Variants in UNC80 observed in about 807,000 individuals in gnomAD.
UNC80 encodes unc-80 subunit of NALCN channel complex.
In UNC80, 164 loss-of-function variants were observed where a neutral mutation model predicts 384.6. That is an observed-to-expected ratio of 0.43 (90% CI 0.38 to 0.49). The LOEUF (loss-of-function observed/expected upper bound fraction) is 0.49, where lower values mean the gene tolerates loss of function less well. Ranked by LOEUF, UNC80 falls within the 20% of genes least tolerant of loss-of-function variation. UNC80 has a pLI of 0.00. For missense variants in UNC80, 3,330 were observed against 4,143.0 expected, an observed-to-expected ratio of 0.80 and a Z score of 5.39; for synonymous variants, 1,486 against 1,527.8, an observed-to-expected ratio of 0.97 and a Z score of 0.64.
intron 28 of UNC80, 69 bp from the exon 29 acceptor site, chr2:209,904,696 C>T (rs1300040918): frequency 4.4e-6 from 6 of 1,350,600 alleles, no homozygotes; most frequent in South Asian, 1.3e-5. Context: ...CATCTTCCAC[C>T]CCATAGATAT....
At chr2:209,824,650 A>G (rs1163147703) in intron 13 of UNC80, among the ~76,000 whole-genome samples, 2 of 152,084 alleles carry the variant, frequency 1.3e-5, no homozygotes. Context: ...AGCTCAGAGA[A>G]TGAATGCTGC....
intron 7 of UNC80, among the ~76,000 whole-genome samples, chr2:209,808,478 A>G (rs1425564286): frequency 2.0e-5 from 3 of 149,474 alleles, no homozygotes; most frequent in African/African-American, 7.4e-5. Flanking sequence ...CAGGAGAATC[A>G]CTTGAACCCG....
chr2:209,903,622 T>C (rs1322072990), intron 28 of UNC80, among the ~76,000 whole-genome samples: 12 of 112,636 alleles, frequency 1.1e-4, no homozygotes, highest in African/African-American at 4.1e-4. Context: ...ATATGTAATA[T>C]ATATATACTA....
At chr2:209,838,681 G>A (rs1310358108) in intron 18 of UNC80, among the ~76,000 whole-genome samples, 2 of 152,142 alleles carry the variant, frequency 1.3e-5, no homozygotes, top group African/African-American at 2.4e-5. Flanking sequence ...TTAAATATTG[G>A]CTGGGCACGG....
In UNC80 at chr2:209,813,873, C is replaced by G. The variant is rs564428291; in HGVS notation, c.1200+32C>G. On this transcript the variant is annotated intron_variant, in intron 8 of 64. Transcript: ENST00000673920. ...AAAACCCGGTTCATTGTCATTCAAA[C>G]CAGCAACTTTGCCATAATGGATTCT... 52 of 1,542,324 alleles carry G rather than the reference C, an allele frequency of 3.4e-5. No individual in the cohort carries two copies. The Middle Eastern group carries it at 5.1e-4, about 15-fold the overall frequency.
rs1444302373 is a variant in UNC80, at chr2:209,872,452, A to G, written c.3628-306A>G. Among the ~76,000 whole-genome samples the G allele has an allele frequency of 6.6e-6, 1 of 152,166 alleles. No individual in the cohort carries two copies. Among genetic ancestry groups the G allele is most frequent in the Non-Finnish European group, 1.5e-5 (1 of 68,028 alleles). ...TTCACTCTACACTCAAATCGCTGTC[A>G]CCCTTAAATATACAAAGTTGGAGAC... On this transcript the variant is annotated intron_variant, in intron 22 of 64. Coordinates refer to ENST00000673920, the MANE Select transcript of UNC80 (RefSeq NM_001371986.1). This position sits in a 1 kb window ranked among gnomAD's most constrained non-coding sequence, Gnocchi z 4.1.
At chr2:209,786,311 T>TTGC in intron 5 of UNC80, 122 bp downstream of exon 5, 2 of 1,283,734 alleles carry the variant, frequency 1.6e-6, no homozygotes, top group Non-Finnish European at 2.1e-6. Flanking sequence ...ATGTAGTTAT[T>TTGC]TAAGTGTCCT....
At chr2:209,774,719 TATA>T (rs767968450) in intron 2 of UNC80, among the ~76,000 whole-genome samples, 4 of 152,194 alleles carry the variant, frequency 2.6e-5, no homozygotes, top group Admixed American at 2.0e-4. Flanking sequence ...CTGATGATTT[TATA>T]ATATTTGTAT....
At position 209,999,253 on chromosome 2, in the gene UNC80, G is replaced by A. The variant is rs2093525511; in HGVS notation, c.*3658G>A. On this transcript the variant is annotated 3_prime_UTR_variant, in exon 65 of 65. Coordinates refer to ENST00000673920, the MANE Select transcript of UNC80 (RefSeq NM_001371986.1). ...TTATGAAAGATATTAAGACTTCTGT[G>A]TTTAGGTATGCACATATGATAAAAT... 1 of 152,226 alleles carries A rather than the reference G, an allele frequency of 6.6e-6. No individual in the cohort carries two copies. Among genetic ancestry groups the A allele is most frequent in the Non-Finnish European group, 1.5e-5 (1 of 68,042 alleles). 9.4% of individuals were successfully genotyped at this position (152,226 alleles called of 1,614,324 possible).
In UNC80 at chr2:209,868,427, A is replaced by G. The variant is rs572218327; in HGVS notation, c.3628-4331A>G. Among the ~76,000 whole-genome samples, 7 of 152,340 alleles carry G rather than the reference A, an allele frequency of 4.6e-5. No homozygotes were observed. The South Asian group carries it at 1.0e-3, about 23-fold the overall frequency. ...TTCTTCGCACATTGTAAGCTTAGAT[A>G]TAGTCCTCCAGGGAAAGGAAGGCAT... On this transcript the variant is annotated intron_variant, in intron 22 of 64. Transcript: ENST00000673920.
intron 31 of UNC80, among the ~76,000 whole-genome samples, chr2:209,916,091 G>A (rs2089506913): frequency 6.6e-6 from 1 of 152,110 alleles, no homozygotes; most frequent in Non-Finnish European, 1.5e-5. Flanking sequence ...ATATATGATT[G>A]GTGACATGAC....
At chr2:209,786,554 T>C (rs934703587) in intron 5 of UNC80, among the ~76,000 whole-genome samples, 2 of 152,206 alleles carry the variant, frequency 1.3e-5, no homozygotes, top group African/African-American at 4.8e-5. Flanking sequence ...ATTATTATTA[T>C]GTTATCATCA....
At chr2:209,831,348 C>T in intron 15 of UNC80, 95 bp from the exon 16 acceptor site, 2 of 1,306,530 alleles carry the variant, frequency 1.5e-6, no homozygotes, top group Non-Finnish European at 2.1e-6. Flanking sequence ...TCACATAGCA[C>T]TTCACTAATT....
In UNC80 at chr2:209,809,686, G is replaced by A. The variant is rs112358235; in HGVS notation, c.939-3894G>A. On this transcript the variant is annotated intron_variant, in intron 7 of 64. Coordinates refer to ENST00000673920, the MANE Select transcript of UNC80 (RefSeq NM_001371986.1). ...GAGTACACCATGTCCTCATGCCACA[G>A]AATTCCCTCCTGAGCGCCCCCATTT... The A allele has an allele frequency of 4.2e-3, 2,222 of 527,666 alleles. 35 individuals are homozygous for A. Among genetic ancestry groups the A allele is most frequent in the African/African-American group, 0.036 (1,835 of 51,166 alleles). The allele number at this position is 527,666 out of a possible 1,614,324, so 32.7% of individuals were successfully genotyped here.
chr2:209,829,300 T>A lies in UNC80; in HGVS notation c.2547T>A (p.Tyr849Ter). ...KMQFRQTMRD[Y>*]VNKDSLNNVV... The stretch of plus-strand genomic sequence containing the variant: ...AGTTCCGACAAACCATGAGGGACTA[T>A]GTGAACAAGGACTCTCTCAATAATG... The change falls in exon 15 of 65, where the codon TAT (tyrosine) becomes TAA (stop). Residue 849 changes from tyrosine (Y) to a stop codon, truncating the protein, a stop_gained. Transcript: ENST00000673920. LOFTEE classifies it high-confidence loss of function. 6.4e-7 allele frequency: 1 copy of A among 1,551,420 alleles called. No individual in the cohort carries two copies.
chr2:209,922,532 C>A, intron 35 of UNC80, 149 bp downstream of exon 35: 1 of 1,012,794 alleles, frequency 9.9e-7, no homozygotes, highest in Non-Finnish European at 1.4e-6. Context: ...GCATGGCATC[C>A]TTTAAAAAAA....
chr2:209,877,220 T>A (rs1323974479), intron 23 of UNC80, among the ~76,000 whole-genome samples: 1 of 152,184 alleles, frequency 6.6e-6, no homozygotes, highest in Non-Finnish European at 1.5e-5. Context: ...GTTTTTTGTC[T>A]CTTCTTGTGG....
intron 28 of UNC80, among the ~76,000 whole-genome samples, chr2:209,901,883 C>T (rs534276900): frequency 5.9e-5 from 9 of 151,614 alleles, no homozygotes; most frequent in African/African-American, 1.2e-4. Flanking sequence ...GAGCCGAGAT[C>T]GCGCCACTGC....
intron 23 of UNC80, among the ~76,000 whole-genome samples, chr2:209,875,272 G>T (rs1036404195): frequency 2.0e-5 from 3 of 152,032 alleles, no homozygotes; most frequent in Non-Finnish European, 4.4e-5. Context: ...GCTTTCAGTG[G>T]CCCTCCTTTT....
Sources: allele counts gnomAD v4.1 joint callset (sites outside exome capture counted in the v4.1 genomes callset), GRCh38; gene constraint gnomAD v4.1.1; non-coding constraint Gnocchi (gnomAD v3.1); transcripts MANE v1.5; gene names NCBI Gene and HGNC (gene_info 2026-07-23, HGNC 2026-07-21).